Variants in CALCR observed in about 807,000 individuals in gnomAD.
CALCR encodes calcitonin receptor.
CALCR carries 47 observed loss-of-function variants against 59.5 expected under a neutral mutation model. That is an observed-to-expected ratio of 0.79 (90% CI 0.63 to 1.01). The LOEUF (loss-of-function observed/expected upper bound fraction) is 1.01, where lower values mean the gene tolerates loss of function less well. CALCR is among the 50% of genes least tolerant of loss of function. The pLI, the probability that CALCR is intolerant of heterozygous loss-of-function variation, is 0.00. For missense variants in CALCR, 566 were observed against 597.1 expected, an observed-to-expected ratio of 0.95 and a Z score of 0.54; for synonymous variants, 213 against 211.3, an observed-to-expected ratio of 1.01 and a Z score of -0.07.
At chr7:93,550,391 T>C (rs901912282) in intron 2 of CALCR, among the ~76,000 whole-genome samples, 4 of 145,278 alleles carry the variant, frequency 2.8e-5, no homozygotes, top group African/African-American at 1.0e-4. Flanking sequence ...CTCAGGAAGC[T>C]GAGGCAGAAT....
intron 3 of CALCR, 65 bp downstream of exon 3, chr7:93,486,866 C>G: frequency 9.8e-7 from 1 of 1,018,374 alleles, no homozygotes; most frequent in Non-Finnish European, 1.5e-6. Flanking sequence ...AAATCACACT[C>G]AAAACATTCC....
In CALCR at chr7:93,443,711, C is replaced by G. The variant is rs200469954; in HGVS notation, c.695G>C (p.Cys232Ser). 2.5e-6 allele frequency: 4 copies of G among 1,612,864 alleles called. No individual in the cohort carries two copies. The highest frequency in any genetic ancestry group is 3.4e-6 in the Non-Finnish European group (4 of 1,179,010). ...LHFFHQYMMA[C>S]NYFWMLCEGI... is the part of the protein sequence containing the mutation. ...TTCACAGAGCATCCAGAAATAGTTG[C>G]AGGCCATCATGTACTGGTGGAAAAA... Residue 232 changes from cysteine (C) to serine (S), a missense_variant, in exon 9 of 14, where the codon TGC (cysteine) becomes TCC (serine). Coordinates refer to ENST00000426151, the MANE Select transcript of CALCR (RefSeq NM_001742.4).
intron 3 of CALCR, 122 bp downstream of exon 3, chr7:93,486,809 T>C: frequency 1.4e-6 from 1 of 693,944 alleles, no homozygotes; most frequent in South Asian, 1.7e-5. Flanking sequence ...TTGAGGAACT[T>C]AGTTTCGGCT....
chr7:93,505,888 G>A (rs139401051), intron 2 of CALCR, among the ~76,000 whole-genome samples: 10 of 152,228 alleles, frequency 6.6e-5, no homozygotes, highest in African/African-American at 2.4e-4. Context: ...AGGTAACAAG[G>A]TGCCAGCTAG....
At chr7:93,447,609 A>C (rs1359983458) in intron 8 of CALCR, among the ~76,000 whole-genome samples, 1 of 151,978 alleles carries the variant, frequency 6.6e-6, no homozygotes, top group East Asian at 1.9e-4. Context: ...GGAAACAACG[A>C]AAAGCAATGA....
At chr7:93,453,756 G>A (rs547497990) in intron 8 of CALCR, among the ~76,000 whole-genome samples, 1 of 151,848 alleles carries the variant, frequency 6.6e-6, no homozygotes, top group African/African-American at 2.4e-5. Context: ...TGGAGATTGG[G>A]TATATGTTTA....
At chr7:93,473,683 G>A (rs1003306135) in intron 5 of CALCR, among the ~76,000 whole-genome samples, 2 of 150,912 alleles carry the variant, frequency 1.3e-5, no homozygotes. Flanking sequence ...GTGATTCTGG[G>A]GCTGCCCACT....
At chr7:93,435,122 G>T (rs1799744731) in intron 12 of CALCR, among the ~76,000 whole-genome samples, 2 of 152,082 alleles carry the variant, frequency 1.3e-5, no homozygotes, top group African/African-American at 4.8e-5. Flanking sequence ...ATCCAGTGCG[G>T]CAGACACTGG....
intron 4 of CALCR, among the ~76,000 whole-genome samples, chr7:93,478,233 A>C (rs1800712826): frequency 6.6e-6 from 1 of 151,830 alleles, no homozygotes; most frequent in African/African-American, 2.4e-5. Flanking sequence ...AAATTACTGC[A>C]GACAGAAGAA....
At chr7:93,443,254 T>C (rs1799946845) in intron 9 of CALCR, among the ~76,000 whole-genome samples, 1 of 152,112 alleles carries the variant, frequency 6.6e-6, no homozygotes, top group African/African-American at 2.4e-5. Context: ...AAATTCTCCT[T>C]TGCTCTACAA....
chr7:93,438,620 CCT>C (rs1799834577), intron 9 of CALCR, among the ~76,000 whole-genome samples: 1 of 152,166 alleles, frequency 6.6e-6, no homozygotes, highest in South Asian at 2.1e-4. Flanking sequence ...GGTGAACTGG[CCT>C]CTCTTATGGA....
chr7:93,551,540 G>A (rs1181559536), intron 2 of CALCR, among the ~76,000 whole-genome samples: 1 of 152,070 alleles, frequency 6.6e-6, no homozygotes, highest in Non-Finnish European at 1.5e-5. Flanking sequence ...CCACAAATAC[G>A]ATAGTAACTT....
At chr7:93,472,791 T>A (rs1333236854) in intron 5 of CALCR, among the ~76,000 whole-genome samples, 1 of 151,764 alleles carries the variant, frequency 6.6e-6, no homozygotes, top group Non-Finnish European at 1.5e-5. Flanking sequence ...CCCAAAGACA[T>A]GGATATCGGT....
At chr7:93,571,906 C>T (rs1395341796) in intron 2 of CALCR, among the ~76,000 whole-genome samples, 1 of 152,108 alleles carries the variant, frequency 6.6e-6, no homozygotes, top group Non-Finnish European at 1.5e-5. Context: ...GGGAATGATG[C>T]TATTTTCCTC....
intron 2 of CALCR, among the ~76,000 whole-genome samples, chr7:93,487,416 T>G (rs569471760): frequency 2.7e-4 from 41 of 151,522 alleles, no homozygotes; most frequent in African/African-American, 9.4e-4. Context: ...TTGTGAAAGA[T>G]TAATCATCAT....
At chr7:93,482,728 A>G (rs371475611) in intron 3 of CALCR, 5 of 530,416 alleles carry the variant, frequency 9.4e-6, no homozygotes, top group Non-Finnish European at 1.9e-5. Flanking sequence ...CAATCTGTAT[A>G]CGAGTAGTTA....
At chr7:93,530,786 T>C (rs2116131423) in intron 2 of CALCR, among the ~76,000 whole-genome samples, 1 of 152,236 alleles carries the variant, frequency 6.6e-6, no homozygotes, top group South Asian at 2.1e-4. Context: ...TTTTTAAACT[T>C]TCAAAATGGC....
intron 2 of CALCR, among the ~76,000 whole-genome samples, chr7:93,507,710 A>T (rs1159502516): frequency 6.7e-6 from 1 of 149,404 alleles, no homozygotes; most frequent in African/African-American, 2.5e-5. Context: ...GATCGAGACC[A>T]TCCTGGCTAA....
At chr7:93,536,501 C>A (rs1368666196) in intron 2 of CALCR, among the ~76,000 whole-genome samples, 2 of 151,554 alleles carry the variant, frequency 1.3e-5, no homozygotes, top group Non-Finnish European at 3.0e-5. Flanking sequence ...TGGACTGCAT[C>A]ATCTTTTTCT....
Sources: allele counts gnomAD v4.1 joint callset (sites outside exome capture counted in the v4.1 genomes callset), GRCh38; gene constraint gnomAD v4.1.1; transcripts MANE v1.5; gene names NCBI Gene and HGNC (gene_info 2026-07-23, HGNC 2026-07-21).